Variants in MAGI2 observed in about 807,000 individuals in gnomAD.
MAGI2 encodes membrane associated guanylate kinase, WW and PDZ domain containing 2.
MAGI2 carries 35 observed loss-of-function variants against 133.3 expected under a neutral mutation model. The observed-to-expected ratio is 0.26, with a 90% confidence interval of 0.20 to 0.35. MAGI2 has a LOEUF of 0.35. MAGI2 is among the 10% of genes least tolerant of loss of function. MAGI2 has a pLI of 1.00. For synonymous variants in MAGI2, 729 were observed against 710.6 expected, an observed-to-expected ratio of 1.03 and a Z score of -0.41; for missense variants, 1,636 against 1,863.4, an observed-to-expected ratio of 0.88 and a Z score of 2.25.
At chr7:79,391,508 CATATATATATATAT>C (rs1286692402) in intron 1 of MAGI2, among the ~76,000 whole-genome samples, 2 of 69,208 alleles carry the variant, frequency 2.9e-5, no homozygotes, top group Non-Finnish European at 4.8e-5. Flanking sequence ...TATATATAGA[CATATATATATATAT>C]ATATATATAT....
chr7:78,531,178 CT>C (rs1348316453), intron 3 of MAGI2, among the ~76,000 whole-genome samples: 3 of 150,882 alleles, frequency 2.0e-5, no homozygotes, highest in African/African-American at 7.3e-5. Context: ...GAATGGAAAC[CT>C]TTTGCAATTG....
intron 6 of MAGI2, among the ~76,000 whole-genome samples, chr7:78,395,072 T>G (rs1796221151): frequency 6.6e-6 from 1 of 152,178 alleles, no homozygotes; most frequent in Non-Finnish European, 1.5e-5. Context: ...AGGAGAATAA[T>G]TTATTGAGAA....
chr7:78,461,729 T>C (rs975459593), intron 6 of MAGI2, among the ~76,000 whole-genome samples: 2 of 151,272 alleles, frequency 1.3e-5, no homozygotes, highest in African/African-American at 2.4e-5. Flanking sequence ...CTGACCAACA[T>C]GGAGAAACCC....
chr7:78,588,780 T>C (rs919210573), intron 3 of MAGI2, among the ~76,000 whole-genome samples: 1 of 152,220 alleles, frequency 6.6e-6, no homozygotes, highest in East Asian at 1.9e-4. Flanking sequence ...ATTGTACTTT[T>C]TAAAGTGGCA....
chr7:79,212,867 G>A (rs1014194565), intron 1 of MAGI2, among the ~76,000 whole-genome samples: 1 of 151,998 alleles, frequency 6.6e-6, no homozygotes, highest in Non-Finnish European at 1.5e-5. Context: ...TGAAATGGTA[G>A]GACAGGTTTT....
intron 1 of MAGI2, among the ~76,000 whole-genome samples, chr7:79,308,398 C>A (rs759718508): frequency 3.3e-5 from 5 of 152,068 alleles, no homozygotes; most frequent in Non-Finnish European, 7.4e-5. Context: ...GGACAGTGCC[C>A]TCTGGTGCAA....
chr7:78,811,296 A>G (rs890132333), intron 2 of MAGI2, among the ~76,000 whole-genome samples: 1 of 152,040 alleles, frequency 6.6e-6, no homozygotes, highest in African/African-American at 2.4e-5. Context: ...TAACTTTTGT[A>G]TTTTAATTTA....
At chr7:78,820,149 A>G (rs1789964335) in intron 2 of MAGI2, among the ~76,000 whole-genome samples, 1 of 152,012 alleles carries the variant, frequency 6.6e-6, no homozygotes, top group Admixed American at 6.5e-5. Context: ...ATCACTGAAT[A>G]TTTAGATTTG....
chr7:78,938,480 G>A (rs145677037), intron 2 of MAGI2, among the ~76,000 whole-genome samples: 1,646 of 152,030 alleles, frequency 0.011, 20 homozygotes, highest in African/African-American at 0.03. Context: ...ATTTCTCAGG[G>A]TTTTTCCTCT....
chr7:78,760,759 A>C (rs923733557), intron 2 of MAGI2, among the ~76,000 whole-genome samples: 1 of 152,218 alleles, frequency 6.6e-6, no homozygotes, highest in African/African-American at 2.4e-5. Flanking sequence ...TGCAAGAAAC[A>C]TAAGGTATTC....
At chr7:78,811,833 C>A (rs1336353806) in intron 2 of MAGI2, among the ~76,000 whole-genome samples, 1 of 152,148 alleles carries the variant, frequency 6.6e-6, no homozygotes. Context: ...AACCTCAGAA[C>A]CTGTGTATCT....
At position 79,431,221 on chromosome 7, in the gene MAGI2, T is replaced by C. The variant is rs377037915; in HGVS notation, c.301+21799A>G. On this transcript the variant is annotated intron_variant, in intron 1 of 21. Coordinates refer to ENST00000354212, the MANE Select transcript of MAGI2 (RefSeq NM_012301.4). ...TTGGAGCCAAATCCCTAAGTTTACA[T>C]TTTGCAAGTAGATATTCTAGAAATG... Among the ~76,000 whole-genome samples, 5 of 152,296 alleles carry C rather than the reference T, an allele frequency of 3.3e-5. No homozygotes were observed. In the East Asian group the frequency reaches 7.7e-4, roughly 24 times the overall value.
At chr7:79,441,455 A>G (rs1213560532) in intron 1 of MAGI2, among the ~76,000 whole-genome samples, 1 of 152,238 alleles carries the variant, frequency 6.6e-6, no homozygotes, top group Non-Finnish European at 1.5e-5. Flanking sequence ...GGATAAGAAT[A>G]TAAAAAGGCA....
intron 2 of MAGI2, among the ~76,000 whole-genome samples, chr7:78,884,674 AT>A (rs1435745174): frequency 6.6e-6 from 1 of 152,148 alleles, no homozygotes; most frequent in Non-Finnish European, 1.5e-5. Context: ...AAAATAATAG[AT>A]GCTGGCAAGG....
At chr7:78,955,786 T>TTTCTTTCTTTCC (rs1562713495) in intron 2 of MAGI2, among the ~76,000 whole-genome samples, 1 of 132,698 alleles carries the variant, frequency 7.5e-6, no homozygotes, top group Non-Finnish European at 1.7e-5. Flanking sequence ...TCTTTCTTTC[T>TTTCTTTCTTTCC]TTCATTTCTT....
At chr7:78,202,502 G>A (rs1194352127) in intron 10 of MAGI2, among the ~76,000 whole-genome samples, 1 of 151,818 alleles carries the variant, frequency 6.6e-6, no homozygotes, top group Non-Finnish European at 1.5e-5. Context: ...GGCCAACATG[G>A]TGAAACCCTG....
chr7:79,437,606 T>C (rs909116397), intron 1 of MAGI2, among the ~76,000 whole-genome samples: 1 of 152,110 alleles, frequency 6.6e-6, no homozygotes, highest in Non-Finnish European at 1.5e-5. Context: ...AGAGAAAAGA[T>C]TGTTTCAAAA....
At chr7:79,182,294 G>A (rs1213877126) in intron 1 of MAGI2, among the ~76,000 whole-genome samples, 1 of 152,002 alleles carries the variant, frequency 6.6e-6, no homozygotes, top group African/African-American at 2.4e-5. Context: ...TAATTGGGGA[G>A]GCCTCACAAT....
rs544983469 is a variant in MAGI2 at position 79,054,839 on chromosome 7, G to A, written c.302-47633C>T. ...GGAGTCCCGCTCTGTCACCCAGGGTGGAGTGCAGTGGTGCAATCTCAGTTC... is the reference window on the plus strand; with the variant it reads ...GGAGTCCCGCTCTGTCACCCAGGGTAGAGTGCAGTGGTGCAATCTCAGTTC... On this transcript the variant is annotated intron_variant, in intron 1 of 21. Transcript: ENST00000354212. 2.0e-5 allele frequency among the ~76,000 whole-genome samples: 3 copies of A among 152,310 alleles called. No individual in the cohort carries two copies. In the South Asian group the frequency reaches 6.2e-4, roughly 32 times the overall value.
Sources: allele counts gnomAD v4.1 joint callset (sites outside exome capture counted in the v4.1 genomes callset), GRCh38; gene constraint gnomAD v4.1.1; transcripts MANE v1.5; gene names NCBI Gene and HGNC (gene_info 2026-07-23, HGNC 2026-07-21).